TRAPPC9: variants seen among roughly 807,000 people sequenced by gnomAD.
TRAPPC9 encodes the protein trafficking protein particle complex subunit 9, also known as IKK2 binding protein.
A neutral mutation model predicts 124.0 loss-of-function variants in TRAPPC9; 83 were observed. The ratio of observed to expected loss-of-function variants is 0.67; its 90% CI spans 0.56 to 0.80. The LOEUF (loss-of-function observed/expected upper bound fraction) is 0.80, where lower values mean the gene tolerates loss of function less well. TRAPPC9 is among the 30% of genes least tolerant of loss of function. The pLI is 0.00. For missense variants in TRAPPC9, 1,302 were observed against 1,508.3 expected, an observed-to-expected ratio of 0.86 and a Z score of 2.27; for synonymous variants, 638 against 617.5, an observed-to-expected ratio of 1.03 and a Z score of -0.49.
At chr8:140,177,385 T>C (rs992526748) in intron 17 of TRAPPC9, among the ~76,000 whole-genome samples, 1 of 152,156 alleles carries the variant, frequency 6.6e-6, no homozygotes, top group African/African-American at 2.4e-5. Flanking sequence ...GCATCACCTG[T>C]TGAAAAAGCC....
At chr8:139,842,712 G>A (rs946234941) in intron 21 of TRAPPC9, among the ~76,000 whole-genome samples, 5 of 152,174 alleles carry the variant, frequency 3.3e-5, no homozygotes, top group African/African-American at 4.8e-5. Context: ...TCCCTCCACC[G>A]CCCTGTCCTG....
chr8:140,309,042 C>T (rs1285002667), intron 10 of TRAPPC9, among the ~76,000 whole-genome samples: 3 of 152,132 alleles, frequency 2.0e-5, no homozygotes, highest in Non-Finnish European at 2.9e-5. Context: ...GAAAGGGACG[C>T]GCACAGAAGG....
intron 21 of TRAPPC9, among the ~76,000 whole-genome samples, chr8:139,848,216 G>C (rs1827224143): frequency 6.6e-6 from 1 of 152,230 alleles, no homozygotes. Context: ...GCCGCCTCCT[G>C]AGCACCAAGT....
At chr8:140,373,665 C>A (rs1190619524) in intron 7 of TRAPPC9, among the ~76,000 whole-genome samples, 5 of 152,200 alleles carry the variant, frequency 3.3e-5, no homozygotes, top group Admixed American at 3.3e-4. Context: ...GAGGATATCA[C>A]CTGCTCACCA....
At chr8:139,754,559 A>C (rs1010233637) in intron 21 of TRAPPC9, among the ~76,000 whole-genome samples, 1 of 152,134 alleles carries the variant, frequency 6.6e-6, no homozygotes, top group African/African-American at 2.4e-5. Flanking sequence ...ACAGGGTATC[A>C]AGGCTGGGCC....
At chr8:140,121,020 T>G (rs1479836649) in intron 17 of TRAPPC9, among the ~76,000 whole-genome samples, 1 of 152,260 alleles carries the variant, frequency 6.6e-6, no homozygotes, top group African/African-American at 2.4e-5. Context: ...TGGAAGTTTC[T>G]GAGAATACAG....
intron 17 of TRAPPC9, among the ~76,000 whole-genome samples, chr8:140,165,447 G>A (rs1304209416): frequency 6.6e-6 from 1 of 151,728 alleles, no homozygotes; most frequent in Admixed American, 6.6e-5. Flanking sequence ...GTTGAGGCAG[G>A]AGAATCACTT....
intron 4 of TRAPPC9, among the ~76,000 whole-genome samples, chr8:140,429,741 G>A (rs187409003): frequency 5.9e-5 from 9 of 152,216 alleles, no homozygotes; most frequent in African/African-American, 1.7e-4. Context: ...GGGAGGCAGC[G>A]GTTGCAGTGA....
At chr8:139,960,337 T>C (rs7817647) in intron 19 of TRAPPC9, among the ~76,000 whole-genome samples, 44,744 of 151,956 alleles carry the variant, frequency 0.29, 7,199 homozygotes, top group East Asian at 0.67. Flanking sequence ...AAAGGCCCAG[T>C]GAGACTCCTG....
At chr8:140,320,288 A>G (rs138331135) in intron 9 of TRAPPC9, among the ~76,000 whole-genome samples, 8 of 152,352 alleles carry the variant, frequency 5.3e-5, no homozygotes, top group Non-Finnish European at 8.8e-5. Context: ...TGGTGTCTAC[A>G]TAAGTGGAAA....
intron 18 of TRAPPC9, among the ~76,000 whole-genome samples, chr8:140,020,195 G>T (rs1015761926): frequency 4.6e-5 from 7 of 151,880 alleles, no homozygotes; most frequent in African/African-American, 1.7e-4. Context: ...CCAACTGTTG[G>T]TTTCACCAAC....
chr8:140,456,317 C>A (rs1353212662), intron 1 of TRAPPC9, among the ~76,000 whole-genome samples: 2 of 151,306 alleles, frequency 1.3e-5, no homozygotes, highest in Non-Finnish European at 2.9e-5. Flanking sequence ...GAGGCTGAGG[C>A]AGGAGAATCG....
At chr8:140,038,809 G>A (rs1483205452) in intron 17 of TRAPPC9, among the ~76,000 whole-genome samples, 6 of 152,196 alleles carry the variant, frequency 3.9e-5, no homozygotes, top group East Asian at 1.9e-4. Context: ...GATGGTTCCC[G>A]TCTGCAGGGC....
At chr8:140,016,201 G>A (rs1563691414) in intron 18 of TRAPPC9, among the ~76,000 whole-genome samples, 1 of 152,090 alleles carries the variant, frequency 6.6e-6, no homozygotes, top group Admixed American at 6.6e-5. Flanking sequence ...TACATACAAC[G>A]AAATACACAA....
At chr8:139,868,359 A>T (rs561351248) in intron 21 of TRAPPC9, among the ~76,000 whole-genome samples, 2 of 152,292 alleles carry the variant, frequency 1.3e-5, no homozygotes, top group East Asian at 3.9e-4. Context: ...CCATCTCAAA[A>T]ATAAATAAAT....
intron 21 of TRAPPC9, among the ~76,000 whole-genome samples, chr8:139,883,391 G>C (rs1411023742): frequency 6.6e-6 from 1 of 152,234 alleles, no homozygotes; most frequent in East Asian, 1.9e-4. Context: ...CTAGTACAAA[G>C]AGGAAGAAAA....
chr8:140,155,178 T>C (rs1368377957), intron 17 of TRAPPC9, among the ~76,000 whole-genome samples: 1 of 152,058 alleles, frequency 6.6e-6, no homozygotes, highest in Non-Finnish European at 1.5e-5. Context: ...ATAAAAGGGG[T>C]GAGGAGATCA....
chr8:139,895,476 C>T (rs1830608611), intron 20 of TRAPPC9, among the ~76,000 whole-genome samples: 2 of 152,112 alleles, frequency 1.3e-5, no homozygotes. Context: ...AAAGTGGGTG[C>T]TCTGGGAGGT....
intron 21 of TRAPPC9, among the ~76,000 whole-genome samples, chr8:139,883,869 A>C (rs1199907067): frequency 1.3e-5 from 2 of 152,142 alleles, no homozygotes; most frequent in African/African-American, 4.8e-5. Context: ...TCTGAGCCTT[A>C]GTCTCCCTGT....
Sources: gnomAD v4.1 joint callset for allele counts (sites outside exome capture counted in the v4.1 genomes callset) on GRCh38, gnomAD v4.1.1 for gene constraint, MANE v1.5 for transcripts, NCBI Gene and HGNC (gene_info 2026-07-23, HGNC 2026-07-21) for gene names.